HS2ST1: variants seen among roughly 807,000 people sequenced by gnomAD.
HS2ST1 encodes the protein heparan sulfate 2-O-sulfotransferase 1.
Under a neutral mutation model 42.9 loss-of-function variants are expected in HS2ST1, and 18 were observed. That is an observed-to-expected ratio of 0.42 (90% CI 0.29 to 0.62). The LOEUF (loss-of-function observed/expected upper bound fraction) is 0.62. Among genes scored for constraint, HS2ST1 ranks in the 20% least tolerant of loss-of-function variants. HS2ST1 has a pLI of 0.21. For synonymous variants in HS2ST1, 146 were observed against 152.9 expected (o/e 0.95, Z 0.33); for missense variants, 334 against 433.8 (o/e 0.77, Z 2.04).
At chr1:86,943,918 T>C (rs943817671) in intron 1 of HS2ST1, among the ~76,000 whole-genome samples, 4 of 151,798 alleles carry the variant, frequency 2.6e-5, no homozygotes, top group African/African-American at 7.3e-5. Context: ...CTCAGCTACT[T>C]GGGAGGCTGA....
chr1:87,057,881 G>C (rs923180006), intron 1 of HS2ST1, among the ~76,000 whole-genome samples: 1 of 151,328 alleles, frequency 6.6e-6, no homozygotes, highest in Non-Finnish European at 1.5e-5. Flanking sequence ...AAAAAAAACT[G>C]TATTTTTTGT....
At chr1:86,965,449 G>C (rs1259791018) in intron 1 of HS2ST1, among the ~76,000 whole-genome samples, 2 of 151,972 alleles carry the variant, frequency 1.3e-5, no homozygotes, top group Non-Finnish European at 2.9e-5. Context: ...CCCTCTTCTG[G>C]CTGAGACCTT....
chr1:86,925,327 A>G (rs754926064), intron 1 of HS2ST1, among the ~76,000 whole-genome samples: 83 of 152,280 alleles, frequency 5.5e-4, no homozygotes, highest in Non-Finnish European at 1.0e-3. Context: ...AAACTGTTCT[A>G]ACCTCTGCCT....
rs764424834 is a variant in HS2ST1, at chr1:87,097,905, C to T, written c.656C>T (p.Pro219Leu). Reference sequence around the variant, plus strand: ...CCAGAGAAGCTCTGGCTTCAAATCCCGTTCTTCTGTGGCCATAGCTCCGAA... The same window carrying T: ...CCAGAGAAGCTCTGGCTTCAAATCCTGTTCTTCTGTGGCCATAGCTCCGAA... ...CAPEKLWLQI[P>L]FFCGHSSECW... Residue 219 changes from proline to leucine, a missense_variant, in exon 5 of 7, where the codon CCG (proline) becomes CTG (leucine). Physicochemically the swap from Pro to Leu is moderately conservative, Grantham distance 98. Coordinates refer to ENST00000370550, the MANE Select transcript of HS2ST1 (RefSeq NM_012262.4). 1.2e-6 allele frequency: 2 copies of T among 1,613,940 alleles called. No individual in the cohort carries two copies. Among genetic ancestry groups the T allele is most frequent in the South Asian group, 2.2e-5 (2 of 91,076 alleles).
chr1:86,923,184 T>C (rs904574172), intron 1 of HS2ST1, among the ~76,000 whole-genome samples: 1 of 152,138 alleles, frequency 6.6e-6, no homozygotes, highest in African/African-American at 2.4e-5. Flanking sequence ...TTAATATAGG[T>C]CTTTAAAAAA....
chr1:87,045,888 T>A, intron 1 of HS2ST1: 2 of 702,110 alleles, frequency 2.8e-6, no homozygotes, highest in South Asian at 2.7e-5. Context: ...GTGAGCTCCT[T>A]AAGAACCTTG....
At chr1:87,084,130 T>C (rs2100644100) in intron 2 of HS2ST1, 64 bp from the exon 3 acceptor site, 6 of 1,027,706 alleles carry the variant, frequency 5.8e-6, no homozygotes, top group South Asian at 5.1e-5. Context: ...CTTGGAAATA[T>C]TTTGCTATCA....
chr1:87,016,039 TCTC>T (rs1166705008), intron 1 of HS2ST1, among the ~76,000 whole-genome samples: 1 of 151,866 alleles, frequency 6.6e-6, no homozygotes, highest in African/African-American at 2.4e-5. Flanking sequence ...ATGATCCCGA[TCTC>T]CTGACCTCAT....
intron 1 of HS2ST1, among the ~76,000 whole-genome samples, chr1:86,991,294 CT>C (rs1648946652): frequency 2.0e-5 from 3 of 152,100 alleles, no homozygotes; most frequent in Non-Finnish European, 4.4e-5. Flanking sequence ...GGTAGCCCCC[CT>C]GAACATGAAA....
At chr1:87,029,647 G>T (rs1291564217) in intron 1 of HS2ST1, among the ~76,000 whole-genome samples, 1 of 151,966 alleles carries the variant, frequency 6.6e-6, no homozygotes, top group Non-Finnish European at 1.5e-5. Context: ...TTTTCCTATG[G>T]GAAAATTAAT....
chr1:86,927,696 G>A (rs187559446), intron 1 of HS2ST1, among the ~76,000 whole-genome samples: 2 of 152,210 alleles, frequency 1.3e-5, no homozygotes, highest in Admixed American at 6.5e-5. Context: ...TTTTTGCTTG[G>A]TATGGTTAAG....
intron 4 of HS2ST1, among the ~76,000 whole-genome samples, chr1:87,093,049 G>A (rs958430287): frequency 6.6e-6 from 1 of 151,980 alleles, no homozygotes; most frequent in Non-Finnish European, 1.5e-5. Context: ...TTTTGCTGAA[G>A]CAGCTATTTT....
intron 1 of HS2ST1, among the ~76,000 whole-genome samples, chr1:87,003,863 A>G (rs183627780): frequency 2.6e-5 from 4 of 152,324 alleles, no homozygotes; most frequent in East Asian, 1.9e-4. Context: ...ACAATTTAAT[A>G]TAAGGGACTT....
chr1:86,935,636 A>G lies in HS2ST1; in HGVS notation c.124+20476A>G, dbSNP rs149240440. 1.2e-3 allele frequency among the ~76,000 whole-genome samples: 177 copies of G among 150,508 alleles called. 1 individual carries two copies. The East Asian group carries it at 0.025, about 21-fold the overall frequency. On this transcript the variant is annotated intron_variant, in intron 1 of 6. Coordinates refer to ENST00000370550, the MANE Select transcript of HS2ST1 (RefSeq NM_012262.4). ...CACCACCACTCCCAGCTTATTTTTT[A>G]TATGTTTAGTAGAGATGGGGTTTTG...
At chr1:87,038,139 C>T (rs1650429156) in intron 1 of HS2ST1, among the ~76,000 whole-genome samples, 1 of 151,888 alleles carries the variant, frequency 6.6e-6, no homozygotes, top group African/African-American at 2.4e-5. Context: ...TAGGTCACAA[C>T]CATCTGTTTT....
intron 1 of HS2ST1, among the ~76,000 whole-genome samples, chr1:86,918,570 G>A (rs1415495463): frequency 6.6e-6 from 1 of 151,894 alleles, no homozygotes; most frequent in Non-Finnish European, 1.5e-5. Flanking sequence ...TTATGTGTCC[G>A]TTTAACTCAT....
At chr1:87,033,139 A>G (rs1032154852) in intron 1 of HS2ST1, among the ~76,000 whole-genome samples, 4 of 152,248 alleles carry the variant, frequency 2.6e-5, no homozygotes, top group Admixed American at 2.6e-4. Context: ...CAAAATATAC[A>G]TAAGTAGAAT....
chr1:87,045,394 T>C (rs780811910), intron 1 of HS2ST1: 35 of 1,459,110 alleles, frequency 2.4e-5, no homozygotes, highest in Non-Finnish European at 3.2e-5. Context: ...GGATTGTTCC[T>C]TTCCCATCTT....
intron 1 of HS2ST1, among the ~76,000 whole-genome samples, chr1:86,925,159 C>T (rs1364768626): frequency 6.6e-6 from 1 of 152,176 alleles, no homozygotes; most frequent in African/African-American, 2.4e-5. Flanking sequence ...TAAAACATAA[C>T]AAGAGCCACC....
Sources: gnomAD v4.1 joint callset for allele counts (sites outside exome capture counted in the v4.1 genomes callset) on GRCh38, gnomAD v4.1.1 for gene constraint, MANE v1.5 for transcripts, NCBI Gene and HGNC (gene_info 2026-07-23, HGNC 2026-07-21) for gene names.